UBR2: variants seen among roughly 807,000 people sequenced by gnomAD.
The protein encoded by UBR2 is E3 ubiquitin-protein ligase UBR2.
UBR2 carries 92 observed loss-of-function variants against 247.9 expected under a neutral mutation model. That is an observed-to-expected ratio of 0.37 (90% CI 0.31 to 0.44). UBR2 has a LOEUF of 0.44. UBR2 is among the 20% of genes least tolerant of loss of function. UBR2 has a pLI of 1.00. For synonymous variants in UBR2, 672 were observed against 693.5 expected, an observed-to-expected ratio of 0.97 and a Z score of 0.49; for missense variants, 1,613 against 2,112.6, an observed-to-expected ratio of 0.76 and a Z score of 4.64.
chr6:42,586,538 C>CTCT (rs1220289089), intron 2 of UBR2, among the ~76,000 whole-genome samples: 4 of 97,256 alleles, frequency 4.1e-5, no homozygotes, highest in Non-Finnish European at 5.8e-5. Context: ...GTTTGTCTCT[C>CTCT]TTTTTTTTTT....
chr6:42,641,761 A>G (rs1490904070), intron 17 of UBR2, 69 bp downstream of exon 17: 39 of 1,275,518 alleles, frequency 3.1e-5, no homozygotes, highest in Non-Finnish European at 3.8e-5. Flanking sequence ...TGTAATTTTC[A>G]GTGGACTTAG....
At chr6:42,632,784 T>G in intron 12 of UBR2, 21 bp from the exon 13 acceptor site, 2 of 1,590,924 alleles carry the variant, frequency 1.3e-6, no homozygotes, top group East Asian at 4.5e-5. Flanking sequence ...TAATTGCCAC[T>G]GTCACTTTTA....
intron 1 of UBR2, among the ~76,000 whole-genome samples, chr6:42,569,315 C>T (rs1350575490): frequency 6.6e-6 from 1 of 152,160 alleles, no homozygotes; most frequent in African/African-American, 2.4e-5. Flanking sequence ...AGATCCTTGC[C>T]AACACTTGTT....
At chr6:42,631,493 T>C (rs1795706794) in intron 11 of UBR2, among the ~76,000 whole-genome samples, 1 of 152,202 alleles carries the variant, frequency 6.6e-6, no homozygotes, top group African/African-American at 2.4e-5. Flanking sequence ...TGCATACTCT[T>C]TAACCGATTA....
intron 2 of UBR2, among the ~76,000 whole-genome samples, chr6:42,584,670 A>G (rs550958105): frequency 7.2e-5 from 11 of 152,282 alleles, no homozygotes; most frequent in Middle Eastern, 3.4e-3. Context: ...CTCTTCATTT[A>G]TTAAGGCCTT....
chr6:42,569,313 G>T (rs1212062643), intron 1 of UBR2, among the ~76,000 whole-genome samples: 4 of 152,070 alleles, frequency 2.6e-5, no homozygotes, highest in African/African-American at 9.7e-5. Flanking sequence ...CCAGATCCTT[G>T]CCAACACTTG....
rs1001177835 is a variant in UBR2, at chr6:42,607,312, T to A, written c.864+661T>A. Among the ~76,000 whole-genome samples the A allele has an allele frequency of 1.2e-3, 183 of 150,978 alleles. 1 individual carries two copies. Among genetic ancestry groups the A allele is most frequent in the Non-Finnish European group, 2.2e-4 (15 of 67,754 alleles). ...CCTTCCAAGTAACTGGGATTACAAGTGCACACAGCCACGCCCAGCTAATTT... is the reference window on the plus strand; with the variant it reads ...CCTTCCAAGTAACTGGGATTACAAGAGCACACAGCCACGCCCAGCTAATTT... On this transcript the variant is annotated intron_variant, in intron 7 of 46. Coordinates refer to ENST00000372901, the MANE Select transcript of UBR2 (RefSeq NM_001363705.2).
chr6:42,666,351 T>C (rs917160495), intron 34 of UBR2, 106 bp downstream of exon 34: 8 of 881,520 alleles, frequency 9.1e-6, no homozygotes, highest in Non-Finnish European at 1.4e-5. Context: ...CAAAATGTTA[T>C]AGGATACTGA....
intron 2 of UBR2, among the ~76,000 whole-genome samples, chr6:42,576,387 A>G (rs916191080): frequency 2.0e-5 from 3 of 152,048 alleles, no homozygotes; most frequent in African/African-American, 7.2e-5. Flanking sequence ...CATTTTCCTC[A>G]AAATATTTGC....
At position 42,592,229 on chromosome 6, in the gene UBR2, G is replaced by T; in HGVS notation, c.417G>T (p.Arg139Ser). 6.4e-7 allele frequency: 1 copy of T among 1,559,882 alleles called. No individual in the cohort carries two copies. Among genetic ancestry groups the T allele is most frequent in the Non-Finnish European group, 8.6e-7 (1 of 1,160,428 alleles). ...GTATTCACAGAGATCATCGATATAGGGTTAGTAATGTCCAAATAATAACCA... is the reference window on the plus strand; with the variant it reads ...GTATTCACAGAGATCATCGATATAGTGTTAGTAATGTCCAAATAATAACCA... ...LGSIHRDHRY[R>S]MTTSGGGGFC... is the part of the protein sequence containing the mutation. The change falls in exon 3 of 47, where the codon AGG (arginine) becomes AGT (serine). Residue 139 changes from arginine to serine, a missense_variant and splice_region_variant. This residue lies in a region of UBR2 where 1,524 missense variants were observed against 1,967.3 expected (regional missense o/e 0.77). Coordinates refer to ENST00000372901, the MANE Select transcript of UBR2 (RefSeq NM_001363705.2).
chr6:42,653,530 A>G (rs1002445512), intron 25 of UBR2, among the ~76,000 whole-genome samples: 22 of 150,790 alleles, frequency 1.5e-4, no homozygotes, highest in African/African-American at 5.4e-4. Context: ...TTAACTTCCC[A>G]TATTAATCTA....
chr6:42,660,980 TTTGTTTGTTTG>T (rs1797762189), intron 30 of UBR2, among the ~76,000 whole-genome samples: 3 of 136,284 alleles, frequency 2.2e-5, no homozygotes, highest in South Asian at 4.8e-4. Context: ...TTTTTGTTTG[TTTGTTTGTTTG>T]TTTTTAAAAA....
Position 42,689,556 on chromosome 6 carries a change from G to C in UBR2, c.5025-13G>C, listed in dbSNP as rs780934469. The C allele has an allele frequency of 3.1e-6, 5 of 1,612,270 alleles. No homozygotes were observed. The East Asian group carries it at 8.9e-5, about 29-fold the overall frequency. Reference sequence around the variant, plus strand: ...ATGTGTAAATGTGTAACGTATGACTGATCTCTCTACAGAGTACGGGAATGT... The same window carrying C: ...ATGTGTAAATGTGTAACGTATGACTCATCTCTCTACAGAGTACGGGAATGT... On this transcript the variant is annotated splice_polypyrimidine_tract_variant and intron_variant, in intron 45 of 46. Transcript: ENST00000372901. This position sits in a 1 kb window ranked among gnomAD's most constrained non-coding sequence, Gnocchi z 4.0.
chr6:42,652,059 A>G lies in UBR2; in HGVS notation c.2602A>G (p.Arg868Gly). The change falls in exon 24 of 47, where the codon AGA becomes GGA. Residue 868 changes from arginine to glycine, a missense_variant. Physicochemically the swap from Arg to Gly is moderately radical, Grantham distance 125 (BLOSUM62 -2). Around this residue, in one of 3 missense-constraint regions of UBR2, gnomAD observed 1,524 missense variants for 1,967.3 expected, o/e 0.77. Coordinates refer to ENST00000372901, the MANE Select transcript of UBR2 (RefSeq NM_001363705.2). ...EAQRKLKRQN[R>G]EDTALPPPVL... ...GCAACGGAAATTGAAAAGACAAAAT[A>G]GAGAAGATACAGGTATTTTTAATCT... 6.3e-7 allele frequency: 1 copy of G among 1,590,432 alleles called. No homozygotes were observed. The highest frequency in any genetic ancestry group is 8.5e-7 in the Non-Finnish European group (1 of 1,172,112).
intron 8 of UBR2, 48 bp downstream of exon 8, chr6:42,612,339 A>G (rs769977352): frequency 1.4e-6 from 2 of 1,426,808 alleles, no homozygotes; most frequent in South Asian, 1.8e-5. Context: ...AATGAGCTCA[A>G]TATGCTGTTG....
At chr6:42,641,944 T>TA (rs1246896603) in intron 17 of UBR2, among the ~76,000 whole-genome samples, 8 of 152,208 alleles carry the variant, frequency 5.3e-5, no homozygotes, top group Admixed American at 5.2e-4. Flanking sequence ...AGTTGGATAT[T>TA]AAAAAATAAA....
Position 42,683,037 on chromosome 6 carries a change from C to T in UBR2, c.4719-18C>T, listed in dbSNP as rs1363283696. ...TTTAAAAGTGTTTTGTGTTTTTCCC[C>T]CTCTGTTTACATTAAAGTTGGTGCC... On this transcript the variant is annotated intron_variant, in intron 42 of 46. Transcript: ENST00000372901. The T allele has an allele frequency of 2.5e-6, 4 of 1,608,982 alleles. No homozygotes were observed. Among genetic ancestry groups the T allele is most frequent in the Non-Finnish European group, 3.4e-6 (4 of 1,178,034 alleles).
chr6:42,576,522 C>CTTTTTT (rs58739895), intron 2 of UBR2, among the ~76,000 whole-genome samples: 65 of 86,092 alleles, frequency 7.6e-4, no homozygotes, highest in Middle Eastern at 8.9e-3. Context: ...GCCTTTCCCT[C>CTTTTTT]TTTTTTTTTT....
At chr6:42,617,209 A>G in intron 10 of UBR2, 200 bp from the exon 11 acceptor site, 1 of 1,598,766 alleles carries the variant, frequency 6.3e-7, no homozygotes, top group Non-Finnish European at 8.6e-7. Flanking sequence ...GTCATTGTGG[A>G]TTAGAGGTGA....
Sources: gnomAD v4.1 joint callset for allele counts (sites outside exome capture counted in the v4.1 genomes callset) on GRCh38, gnomAD v4.1.1 for gene constraint, gnomAD v4.1.1 regional missense constraint, Gnocchi (gnomAD v3.1) non-coding constraint, MANE v1.5 for transcripts, NCBI Gene and HGNC (gene_info 2026-07-23, HGNC 2026-07-21) for gene names.